Variants in CCSER1 observed in about 807,000 individuals in gnomAD.
CCSER1 encodes the protein serine-rich coiled-coil domain-containing protein 1.
CCSER1 carries 41 observed loss-of-function variants against 82.0 expected under a neutral mutation model. The observed-to-expected ratio is 0.50, with a 90% CI of 0.39 to 0.65. The LOEUF (loss-of-function observed/expected upper bound fraction) is 0.65. CCSER1 is among the 30% of genes least tolerant of loss of function. The pLI, the probability that CCSER1 is intolerant of heterozygous loss-of-function variation, is 0.00. For synonymous variants in CCSER1, 414 were observed against 383.9 expected, an observed-to-expected ratio of 1.08 and a Z score of -0.92; for missense variants, 1,119 against 1,064.2, an observed-to-expected ratio of 1.05 and a Z score of -0.72.
At chr4:90,174,913 A>C (rs1345104876) in intron 1 of CCSER1, among the ~76,000 whole-genome samples, 2 of 152,012 alleles carry the variant, frequency 1.3e-5, no homozygotes, top group Non-Finnish European at 2.9e-5. Context: ...GGGAATGTAA[A>C]ATGGTGCAAG....
At chr4:90,407,446 C>T (rs1425162362) in intron 4 of CCSER1, among the ~76,000 whole-genome samples, 6 of 152,130 alleles carry the variant, frequency 3.9e-5, no homozygotes, top group Non-Finnish European at 8.8e-5. Flanking sequence ...TGGTCCCAAT[C>T]CTGTTGACAC....
chr4:90,229,198 A>G (rs1312890665), intron 1 of CCSER1, among the ~76,000 whole-genome samples: 2 of 152,224 alleles, frequency 1.3e-5, no homozygotes, highest in African/African-American at 2.4e-5. Context: ...ATGAAGGAAA[A>G]TATGTTAAGG....
At chr4:90,645,906 A>T (rs1209879431) in intron 6 of CCSER1, among the ~76,000 whole-genome samples, 1 of 152,228 alleles carries the variant, frequency 6.6e-6, no homozygotes, top group Non-Finnish European at 1.5e-5. Context: ...CCGGAAAGAT[A>T]ATTGAAAACG....
At chr4:91,227,753 G>A (rs1738319072) in intron 10 of CCSER1, among the ~76,000 whole-genome samples, 1 of 151,594 alleles carries the variant, frequency 6.6e-6, no homozygotes, top group Non-Finnish European at 1.5e-5. Flanking sequence ...TCACTTATAT[G>A]TGAAAACAGG....
intron 10 of CCSER1, among the ~76,000 whole-genome samples, chr4:91,162,897 AT>A (rs908196862): frequency 6.6e-6 from 1 of 151,850 alleles, no homozygotes; most frequent in Non-Finnish European, 1.5e-5. Context: ...GGATTCATTG[AT>A]TTTTTTGAAG....
chr4:90,308,656 TAAG>T lies in CCSER1; in HGVS notation c.377_379del (p.Lys126del), dbSNP rs1734754841. ...CTGTTGGTTTTAGTAGTTCACGAAATAAGAAGATAACAAGATCTTTGACAGAGG... is the reference window on the plus strand; with the variant it reads ...CTGTTGGTTTTAGTAGTTCACGAAATAAGATAACAAGATCTTTGACAGAGG... On this transcript the variant is annotated inframe_deletion, in exon 2 of 11. Transcript: ENST00000509176. The T allele has an allele frequency of 3.1e-6, 5 of 1,613,596 alleles. No homozygotes were observed. The highest frequency in any genetic ancestry group is 4.2e-6 in the Non-Finnish European group (5 of 1,179,802).
chr4:91,196,047 T>C (rs1230809870), intron 10 of CCSER1, among the ~76,000 whole-genome samples: 1 of 151,570 alleles, frequency 6.6e-6, no homozygotes, highest in African/African-American at 2.4e-5. Flanking sequence ...ATTAGTCGGG[T>C]TCGGTGGCGG....
chr4:90,353,528 G>A (rs534543341), intron 3 of CCSER1, among the ~76,000 whole-genome samples: 1 of 152,230 alleles, frequency 6.6e-6, no homozygotes, highest in African/African-American at 2.4e-5. Flanking sequence ...TCTTAAAGAT[G>A]GTAAGAGGAA....
intron 10 of CCSER1, among the ~76,000 whole-genome samples, chr4:91,428,200 C>T (rs971979019): frequency 2.0e-5 from 3 of 152,010 alleles, no homozygotes; most frequent in Admixed American, 1.3e-4. Context: ...ATCATCCATC[C>T]ACTTACAATA....
intron 5 of CCSER1, among the ~76,000 whole-genome samples, chr4:90,512,512 C>T (rs1346949236): frequency 6.6e-6 from 1 of 152,062 alleles, no homozygotes; most frequent in Non-Finnish European, 1.5e-5. Context: ...ATGCCTATAA[C>T]AAGACTCCTT....
At chr4:91,123,649 C>G (rs1727274390) in intron 10 of CCSER1, among the ~76,000 whole-genome samples, 2 of 151,704 alleles carry the variant, frequency 1.3e-5, no homozygotes, top group South Asian at 4.1e-4. Context: ...TTATCACTTA[C>G]CGCATTTGTG....
At chr4:90,651,221 A>G (rs968730043) in intron 6 of CCSER1, among the ~76,000 whole-genome samples, 1 of 152,212 alleles carries the variant, frequency 6.6e-6, no homozygotes, top group Non-Finnish European at 1.5e-5. Context: ...TTATTCTACT[A>G]TAAAGATACA....
chr4:91,449,196 C>G (rs1008778168), intron 10 of CCSER1, among the ~76,000 whole-genome samples: 1 of 152,006 alleles, frequency 6.6e-6, no homozygotes, highest in African/African-American at 2.4e-5. Flanking sequence ...AGAAGCTGCT[C>G]TCACCACAGA....
chr4:91,059,805 A>G (rs1438938760), intron 9 of CCSER1, among the ~76,000 whole-genome samples: 1 of 152,028 alleles, frequency 6.6e-6, no homozygotes, highest in Admixed American at 6.6e-5. Flanking sequence ...GCAAGATATG[A>G]GCAGTACTAT....
At chr4:91,410,664 A>G (rs1387144127) in intron 10 of CCSER1, among the ~76,000 whole-genome samples, 1 of 152,204 alleles carries the variant, frequency 6.6e-6, no homozygotes, top group Non-Finnish European at 1.5e-5. Flanking sequence ...CAAATGAAAT[A>G]AAGGAAAGTA....
intron 10 of CCSER1, among the ~76,000 whole-genome samples, chr4:91,273,945 G>T (rs981664346): frequency 6.6e-6 from 1 of 152,082 alleles, no homozygotes. Context: ...GCTTCTTATG[G>T]TAATATCTGA....
chr4:90,321,574 T>C (rs1049251671), intron 3 of CCSER1, among the ~76,000 whole-genome samples: 1 of 152,156 alleles, frequency 6.6e-6, no homozygotes, highest in Non-Finnish European at 1.5e-5. Flanking sequence ...TCCGAGTGCA[T>C]ACTTAGCAGT....
At chr4:90,937,460 G>C (rs897553620) in intron 9 of CCSER1, among the ~76,000 whole-genome samples, 1 of 141,314 alleles carries the variant, frequency 7.1e-6, no homozygotes, top group Admixed American at 7.7e-5. Context: ...AGCTTACGTC[G>C]TGTTGTATTT....
chr4:91,378,648 G>C (rs1489922762), intron 10 of CCSER1, among the ~76,000 whole-genome samples: 1 of 152,164 alleles, frequency 6.6e-6, no homozygotes, highest in East Asian at 1.9e-4. Context: ...AGGAGATTTT[G>C]GGCTGAGATG....
Sources: gnomAD v4.1 joint callset for allele counts (sites outside exome capture counted in the v4.1 genomes callset) on GRCh38, gnomAD v4.1.1 for gene constraint, MANE v1.5 for transcripts, NCBI Gene and HGNC (gene_info 2026-07-23, HGNC 2026-07-21) for gene names.